Variants in CNTNAP2 observed in about 807,000 individuals in gnomAD.
CNTNAP2 encodes the protein contactin-associated protein-like 2.
Under a neutral mutation model 155.2 loss-of-function variants are expected in CNTNAP2, and 98 were observed. The ratio of observed to expected loss-of-function variants is 0.63; its 90% CI spans 0.54 to 0.75. CNTNAP2 has a LOEUF of 0.75. Ranked by LOEUF, CNTNAP2 falls within the 30% of genes least tolerant of loss-of-function variation. CNTNAP2 has a pLI of 0.00. For synonymous variants in CNTNAP2, 651 were observed against 631.2 expected, an observed-to-expected ratio of 1.03 and a Z score of -0.47; for missense variants, 1,727 against 1,688.1, an observed-to-expected ratio of 1.02 and a Z score of -0.40.
chr7:147,760,275 A>G (rs1361732500), intron 13 of CNTNAP2, among the ~76,000 whole-genome samples: 2 of 152,112 alleles, frequency 1.3e-5, no homozygotes, highest in Non-Finnish European at 2.9e-5. Context: ...AGAACTTCCA[A>G]AGAGTTTTCC....
intron 17 of CNTNAP2, among the ~76,000 whole-genome samples, chr7:148,151,784 A>T (rs185512748): frequency 3.6e-4 from 55 of 152,302 alleles, no homozygotes; most frequent in African/African-American, 1.3e-3. Flanking sequence ...CCCTACAGGA[A>T]AGCTCACATG....
At chr7:147,120,131 T>G (rs79876264) in intron 5 of CNTNAP2, among the ~76,000 whole-genome samples, 7,005 of 152,272 alleles carry the variant, frequency 0.046, 496 homozygotes, top group African/African-American at 0.16. Context: ...CAATTGCATA[T>G]TGTTCTCTTT....
chr7:147,366,562 ACTT>A (rs767653956), intron 9 of CNTNAP2, among the ~76,000 whole-genome samples: 10 of 151,216 alleles, frequency 6.6e-5, no homozygotes, highest in Non-Finnish European at 1.2e-4. Flanking sequence ...CATTTTTGTT[ACTT>A]CTTAAGATGA....
At chr7:146,670,963 T>C (rs1164806610) in intron 1 of CNTNAP2, among the ~76,000 whole-genome samples, 2 of 152,164 alleles carry the variant, frequency 1.3e-5, no homozygotes, top group East Asian at 3.9e-4. Context: ...AGTTTCCACC[T>C]GTTCACTTCA....
chr7:147,521,407 A>G (rs1799227029), intron 11 of CNTNAP2, among the ~76,000 whole-genome samples: 1 of 152,234 alleles, frequency 6.6e-6, no homozygotes, highest in Non-Finnish European at 1.5e-5. Context: ...GCTTTATTAC[A>G]ATAAAAGCTT....
intron 13 of CNTNAP2, among the ~76,000 whole-genome samples, chr7:147,727,102 C>G (rs1719837788): frequency 6.6e-6 from 1 of 151,620 alleles, no homozygotes; most frequent in South Asian, 2.1e-4. Context: ...CCAATTAGAC[C>G]TCAATAAAGC....
chr7:146,344,435 A>C (rs1247287812), intron 1 of CNTNAP2, among the ~76,000 whole-genome samples: 1 of 151,866 alleles, frequency 6.6e-6, no homozygotes, highest in East Asian at 1.9e-4. Context: ...CAGTGTTGCT[A>C]TCTGTTAATT....
chr7:148,108,871 T>C (rs1804281297), intron 15 of CNTNAP2, among the ~76,000 whole-genome samples: 1 of 152,244 alleles, frequency 6.6e-6, no homozygotes, highest in African/African-American at 2.4e-5. Flanking sequence ...TTTGAGGTGA[T>C]GGATATGTTA....
intron 1 of CNTNAP2, among the ~76,000 whole-genome samples, chr7:146,665,801 C>A (rs1032309168): frequency 0.085 from 3,363 of 39,590 alleles, 522 homozygotes; most frequent in South Asian, 0.12. Flanking sequence ...AAAAAAAATA[C>A]ATTTTGTAAC....
chr7:147,463,605 A>T (rs1798062807), intron 10 of CNTNAP2, among the ~76,000 whole-genome samples: 1 of 152,194 alleles, frequency 6.6e-6, no homozygotes, highest in South Asian at 2.1e-4. Context: ...GCCTTCTTTC[A>T]AACATGTTCA....
At chr7:148,365,093 G>T (rs1798712937) in intron 21 of CNTNAP2, among the ~76,000 whole-genome samples, 1 of 152,174 alleles carries the variant, frequency 6.6e-6, no homozygotes, top group Non-Finnish European at 1.5e-5. Flanking sequence ...GTGAGACCAA[G>T]AACCCACCAG....
At chr7:146,968,314 G>A (rs1307101755) in intron 3 of CNTNAP2, among the ~76,000 whole-genome samples, 1 of 152,070 alleles carries the variant, frequency 6.6e-6, no homozygotes, top group East Asian at 1.9e-4. Context: ...TCAGGATAAT[G>A]CTGGCCTCAT....
chr7:147,627,665 C>A (rs1795007747), intron 12 of CNTNAP2, among the ~76,000 whole-genome samples: 1 of 131,346 alleles, frequency 7.6e-6, no homozygotes, highest in Non-Finnish European at 1.5e-5. Context: ...GCACTCCAGC[C>A]TGGGGGACAG....
intron 20 of CNTNAP2, among the ~76,000 whole-genome samples, chr7:148,245,733 C>T (rs1211152444): frequency 2.0e-5 from 3 of 152,146 alleles, no homozygotes; most frequent in Non-Finnish European, 4.4e-5. Context: ...TAATAGGCTT[C>T]TGTACTGAGA....
intron 4 of CNTNAP2, among the ~76,000 whole-genome samples, chr7:147,089,659 A>G (rs1470157525): frequency 6.6e-6 from 1 of 152,184 alleles, no homozygotes; most frequent in Non-Finnish European, 1.5e-5. Flanking sequence ...GTAGTTTGAA[A>G]GTTATAGAAA....
intron 5 of CNTNAP2, among the ~76,000 whole-genome samples, chr7:147,118,245 A>C (rs529205490): frequency 6.6e-6 from 1 of 152,206 alleles, no homozygotes; most frequent in Non-Finnish European, 1.5e-5. Flanking sequence ...ATAGCTAGAC[A>C]GTATGTCTTC....
At chr7:147,910,011 G>A (rs139811442) in intron 14 of CNTNAP2, among the ~76,000 whole-genome samples, 151 of 152,174 alleles carry the variant, frequency 9.9e-4, no homozygotes, top group African/African-American at 3.5e-3. Context: ...TTTCTTCCTG[G>A]GCCAAAAATA....
chr7:146,778,716 T>C (rs539631344), intron 2 of CNTNAP2, among the ~76,000 whole-genome samples: 2 of 152,356 alleles, frequency 1.3e-5, no homozygotes. Flanking sequence ...TGTGCTCTAA[T>C]TGTTTCTCAA....
chr7:146,463,868 T>C (rs1395420667), intron 1 of CNTNAP2, among the ~76,000 whole-genome samples: 8 of 152,112 alleles, frequency 5.3e-5, no homozygotes, highest in Non-Finnish European at 8.8e-5. Context: ...TATTCACTTA[T>C]CTGTTTCCCA....
Sources: allele counts gnomAD v4.1 joint callset (sites outside exome capture counted in the v4.1 genomes callset), GRCh38; gene constraint gnomAD v4.1.1; transcripts MANE v1.5; gene names NCBI Gene and HGNC (gene_info 2026-07-23, HGNC 2026-07-21).